Variants in LARGE1 observed in about 807,000 individuals in gnomAD.
LARGE1 encodes LARGE xylosyl- and glucuronyltransferase 1.
A neutral mutation model predicts 87.6 loss-of-function variants in LARGE1; 43 were observed. The observed-to-expected ratio is 0.49, with a 90% CI of 0.38 to 0.63. The LOEUF (loss-of-function observed/expected upper bound fraction) is 0.63, where lower values mean the gene tolerates loss of function less well. Among genes scored for constraint, LARGE1 ranks in the 30% least tolerant of loss-of-function variants. The probability of loss-of-function intolerance (pLI) is 0.00; values close to 1 mark genes in which losing one functional copy is unlikely to be tolerated. For missense variants in LARGE1, 802 were observed against 1,000.2 expected, an observed-to-expected ratio of 0.80 and a Z score of 2.67; for synonymous variants, 434 against 394.6, an observed-to-expected ratio of 1.10 and a Z score of -1.18.
At chr22:33,858,649 A>G (rs1281768579) in intron 1 of LARGE1, among the ~76,000 whole-genome samples, 3 of 152,178 alleles carry the variant, frequency 2.0e-5, no homozygotes, top group Non-Finnish European at 4.4e-5. Context: ...AGGGATTCTT[A>G]GTTGGCCTAG....
chr22:33,843,867 C>T (rs1044834298), intron 1 of LARGE1, among the ~76,000 whole-genome samples: 2 of 152,082 alleles, frequency 1.3e-5, no homozygotes, highest in Non-Finnish European at 2.9e-5. Flanking sequence ...CACCTGAAGT[C>T]AGCAGTTCGA....
intron 11 of LARGE1, among the ~76,000 whole-genome samples, chr22:33,182,166 G>A (rs1923206504): frequency 6.6e-6 from 1 of 152,134 alleles, no homozygotes; most frequent in Non-Finnish European, 1.5e-5. Context: ...ACCAAATATT[G>A]AAACTAACAA....
At chr22:33,255,030 C>A (rs1262946494) in intron 11 of LARGE1, among the ~76,000 whole-genome samples, 1 of 151,760 alleles carries the variant, frequency 6.6e-6, no homozygotes, top group African/African-American at 2.4e-5. Flanking sequence ...CTCCGCCCCC[C>A]AGGTTCAAGC....
chr22:33,082,110 C>T, the LARGE1 span, among the ~76,000 whole-genome samples: 1 of 152,108 alleles, frequency 6.6e-6, no homozygotes, highest in Admixed American at 6.5e-5. Context: ...TTTCAACCAG[C>T]CAAGAGTATC....
intron 11 of LARGE1, among the ~76,000 whole-genome samples, chr22:33,220,679 C>T (rs1925416364): frequency 6.6e-6 from 1 of 152,200 alleles, no homozygotes; most frequent in Non-Finnish European, 1.5e-5. Flanking sequence ...CTGAGCACGG[C>T]GCTGAAGCTG....
intron 11 of LARGE1, among the ~76,000 whole-genome samples, chr22:33,173,664 G>GA (rs578099669): frequency 0.028 from 3,801 of 136,000 alleles, 109 homozygotes; most frequent in African/African-American, 0.085. Context: ...CAAATAGAAA[G>GA]AAAAAAAAAA....
At chr22:33,772,671 C>T (rs144919937) in intron 1 of LARGE1, among the ~76,000 whole-genome samples, 21 of 152,182 alleles carry the variant, frequency 1.4e-4, no homozygotes, top group East Asian at 3.9e-4. Flanking sequence ...CACCGTGCTG[C>T]GGTCATTTTC....
chr22:33,648,364 T>C (rs1405613904), intron 3 of LARGE1, among the ~76,000 whole-genome samples: 7 of 152,158 alleles, frequency 4.6e-5, no homozygotes, highest in African/African-American at 1.7e-4. Context: ...TTTTCCCCTT[T>C]TCCTTTTTTA....
intron 12 of LARGE1, among the ~76,000 whole-genome samples, chr22:33,293,492 T>A (rs1268473233): frequency 6.6e-6 from 1 of 152,218 alleles, no homozygotes; most frequent in Non-Finnish European, 1.5e-5. Flanking sequence ...GAAAGATCAA[T>A]AACCACAAGA....
intron 5 of LARGE1, among the ~76,000 whole-genome samples, chr22:33,590,875 C>A (rs944850097): frequency 6.6e-6 from 1 of 152,162 alleles, no homozygotes; most frequent in African/African-American, 2.4e-5. Context: ...AGTGGAACCA[C>A]TAGGTCATAT....
At chr22:33,920,822 T>C (rs2147023328), upstream of LARGE1, among the ~76,000 whole-genome samples, 1 of 143,516 alleles carries the variant, frequency 7.0e-6, no homozygotes, top group African/African-American at 2.5e-5. Flanking sequence ...GGGCGGCCGC[T>C]GCAGCCGCCG....
intron 2 of LARGE1, among the ~76,000 whole-genome samples, chr22:33,738,266 G>C (rs2083732552): frequency 6.6e-6 from 1 of 152,146 alleles, no homozygotes; most frequent in African/African-American, 2.4e-5. Flanking sequence ...GCTGAACAAA[G>C]GCCAATCCCA....
chr22:33,488,256 G>A (rs2069674367), intron 6 of LARGE1, among the ~76,000 whole-genome samples: 1 of 152,226 alleles, frequency 6.6e-6, no homozygotes, highest in Admixed American at 6.5e-5. Flanking sequence ...CACATCTCCT[G>A]TGCTCAGTGA....
chr22:33,177,235 C>T (rs1028813469), intron 11 of LARGE1, among the ~76,000 whole-genome samples: 2 of 152,042 alleles, frequency 1.3e-5, no homozygotes, highest in East Asian at 3.9e-4. Context: ...AGCAAACCCC[C>T]ATGGCACGTG....
chr22:33,521,609 C>T (rs559154363), intron 6 of LARGE1, among the ~76,000 whole-genome samples: 12 of 152,176 alleles, frequency 7.9e-5, no homozygotes, highest in Non-Finnish European at 1.5e-4. Context: ...ATAGATGCCT[C>T]CTCTTAATGG....
intron 1 of LARGE1, among the ~76,000 whole-genome samples, chr22:33,886,312 G>C (rs1264119907): frequency 6.6e-6 from 1 of 152,188 alleles, no homozygotes; most frequent in Non-Finnish European, 1.5e-5. Context: ...TGACTAGGGG[G>C]CACATTTAGA....
At chr22:33,251,192 T>C (rs1602148735) in intron 11 of LARGE1, among the ~76,000 whole-genome samples, 2 of 152,194 alleles carry the variant, frequency 1.3e-5, no homozygotes, top group Non-Finnish European at 2.9e-5. Context: ...TGCTTCCAAC[T>C]TTGGCAGTAA....
At chr22:33,875,731 C>T (rs1192546719) in intron 1 of LARGE1, among the ~76,000 whole-genome samples, 1 of 152,176 alleles carries the variant, frequency 6.6e-6, no homozygotes, top group African/African-American at 2.4e-5. Context: ...GGAAGTTTCC[C>T]TCACCAGTGC....
intron 6 of LARGE1, among the ~76,000 whole-genome samples, chr22:33,464,180 G>T (rs2068494592): frequency 6.6e-6 from 1 of 151,770 alleles, no homozygotes; most frequent in Non-Finnish European, 1.5e-5. Context: ...GCATGGAAAA[G>T]GTAATGAAAA....
Sources: gnomAD v4.1 joint callset for allele counts (sites outside exome capture counted in the v4.1 genomes callset) on GRCh38, gnomAD v4.1.1 for gene constraint, MANE v1.5 for transcripts, NCBI Gene and HGNC (gene_info 2026-07-23, HGNC 2026-07-21) for gene names.